BMPER: variants seen among roughly 807,000 people sequenced by gnomAD.
The protein encoded by BMPER is BMP-binding endothelial regulator protein.
In BMPER, 45 loss-of-function variants were observed where a neutral mutation model predicts 87.3. That is an observed-to-expected ratio of 0.52 (90% CI 0.41 to 0.66). The LOEUF is 0.66. Among genes scored for constraint, BMPER ranks in the 30% least tolerant of loss-of-function variants. BMPER has a pLI of 0.00. For missense variants in BMPER, 784 were observed against 867.5 expected (o/e 0.90, Z 1.21); for synonymous variants, 326 against 316.2 (o/e 1.03, Z -0.33).
intron 6 of BMPER, among the ~76,000 whole-genome samples, chr7:34,036,886 G>C (rs192017982): frequency 6.6e-6 from 1 of 152,066 alleles, no homozygotes; most frequent in Non-Finnish European, 1.5e-5. Flanking sequence ...AAGAAAAAAC[G>C]TAAAAGAAAA....
At chr7:33,992,240 G>C (rs2127927205) in intron 6 of BMPER, among the ~76,000 whole-genome samples, 1 of 132,582 alleles carries the variant, frequency 7.5e-6, no homozygotes, top group Non-Finnish European at 1.6e-5. Flanking sequence ...CATTATTAAT[G>C]TGTGGGAGTC....
At chr7:33,924,015 T>G (rs1400560356) in intron 2 of BMPER, among the ~76,000 whole-genome samples, 1 of 152,180 alleles carries the variant, frequency 6.6e-6, no homozygotes, top group Non-Finnish European at 1.5e-5. Flanking sequence ...TCTGTCCACG[T>G]GTCTACCTGG....
chr7:34,010,019 G>A (rs1461750294), intron 6 of BMPER, among the ~76,000 whole-genome samples: 1 of 151,866 alleles, frequency 6.6e-6, no homozygotes, highest in Non-Finnish European at 1.5e-5. Flanking sequence ...TGGTGTCAGT[G>A]GGTTAAACAA....
chr7:33,909,775 T>A (rs561963448), intron 2 of BMPER, among the ~76,000 whole-genome samples: 29 of 151,526 alleles, frequency 1.9e-4, no homozygotes, highest in Non-Finnish European at 3.1e-4. Context: ...TGGCACAAAG[T>A]CCTGTATATA....
rs945486139 is a variant in BMPER at position 33,922,666 on chromosome 7, T to C, written c.220-14623T>C. On this transcript the variant is annotated intron_variant, in intron 2 of 14. Coordinates refer to ENST00000649409, the MANE Select transcript of BMPER (RefSeq NM_001365308.1). Reference sequence around the variant, plus strand: ...TCTCTCCCTTGGACACCCCTCAGTGTGCCACATGGAACTAGGCAAAACTGG... The same window carrying C: ...TCTCTCCCTTGGACACCCCTCAGTGCGCCACATGGAACTAGGCAAAACTGG... Among the ~76,000 whole-genome samples, 3 of 152,122 alleles carry C rather than the reference T, an allele frequency of 2.0e-5. No homozygotes were observed. In the South Asian group the frequency reaches 6.2e-4, roughly 32 times the overall value.
chr7:33,961,563 G>A lies in BMPER; in HGVS notation c.320-4916G>A, dbSNP rs111840865. 2.9e-4 allele frequency among the ~76,000 whole-genome samples: 44 copies of A among 152,328 alleles called. 1 individual carries two copies. In the East Asian group the frequency reaches 4.8e-3, roughly 17 times the overall value. On this transcript the variant is annotated intron_variant, in intron 3 of 14. Transcript: ENST00000649409. ...GAGAAATAACCAGCAGCTTAGCTGAGGCTGGAGTAGAGAGGTTGGAGAGGT... is the reference window on the plus strand; with the variant it reads ...GAGAAATAACCAGCAGCTTAGCTGAAGCTGGAGTAGAGAGGTTGGAGAGGT...
upstream of BMPER, chr7:33,905,426 CA>C (rs371603482): frequency 7.9e-3 from 111 of 14,134 alleles, 3 homozygotes; most frequent in African/African-American, 0.027. Flanking sequence ...GGCGCCCCCA[CA>C]CCTTGGTCTC....
chr7:34,077,564 A>G (rs1027199531), intron 11 of BMPER, among the ~76,000 whole-genome samples: 2 of 152,228 alleles, frequency 1.3e-5, no homozygotes, highest in African/African-American at 2.4e-5. Context: ...TCTATTAAAT[A>G]TTGACAAGGA....
chr7:34,083,378 T>G (rs775484857), intron 12 of BMPER, among the ~76,000 whole-genome samples: 1 of 152,180 alleles, frequency 6.6e-6, no homozygotes, highest in African/African-American at 2.4e-5. Context: ...AAAGAGACTT[T>G]CCTATGGCTC....
At chr7:34,117,155 A>G (rs1790139387) in intron 13 of BMPER, among the ~76,000 whole-genome samples, 1 of 152,194 alleles carries the variant, frequency 6.6e-6, no homozygotes, top group African/African-American at 2.4e-5. Flanking sequence ...TCAGAACCTC[A>G]TCTACCCTTA....
At chr7:33,941,359 C>T (rs1226107601) in intron 3 of BMPER, among the ~76,000 whole-genome samples, 1 of 151,264 alleles carries the variant, frequency 6.6e-6, no homozygotes, top group Admixed American at 6.6e-5. Flanking sequence ...CATCAGGGAC[C>T]AGTTTCATGG....
At chr7:33,974,231 G>T (rs1179242810) in intron 5 of BMPER, among the ~76,000 whole-genome samples, 1 of 152,198 alleles carries the variant, frequency 6.6e-6, no homozygotes, top group Non-Finnish European at 1.5e-5. Flanking sequence ...CATTGGGGAT[G>T]TGGAGTGAGA....
chr7:34,047,283 A>G (rs1039756924), intron 7 of BMPER, among the ~76,000 whole-genome samples: 1 of 150,636 alleles, frequency 6.6e-6, no homozygotes, highest in Non-Finnish European at 1.5e-5. Flanking sequence ...TTGTTTTTTT[A>G]TTTTTTTATT....
chr7:34,028,601 GTTTTTTTTTTTTTTTT>G, intron 6 of BMPER, among the ~76,000 whole-genome samples: 1,774 of 36,248 alleles, frequency 0.049, 44 homozygotes, highest in African/African-American at 0.087. Flanking sequence ...CATTTTTTCT[GTTTTTTTTTTTTTTTT>G]TTTTTTTTTT....
chr7:34,085,648 C>G (rs2127976906), intron 12 of BMPER, 108 bp from the exon 13 acceptor site: 1 of 1,087,190 alleles, frequency 9.2e-7, no homozygotes, highest in African/African-American at 1.6e-5. Flanking sequence ...CTTGGTGCTC[C>G]TTATTGGAGG....
intron 6 of BMPER, among the ~76,000 whole-genome samples, chr7:34,015,433 C>T (rs574939897): frequency 8.0e-4 from 122 of 152,054 alleles, no homozygotes; most frequent in Middle Eastern, 3.4e-3. Context: ...TGAAGTAAAT[C>T]TATGCCTGTG....
intron 13 of BMPER, among the ~76,000 whole-genome samples, chr7:34,136,979 A>G (rs937668100): frequency 3.9e-5 from 6 of 152,234 alleles, no homozygotes; most frequent in Non-Finnish European, 8.8e-5. Flanking sequence ...CCCTTGTGCC[A>G]GAGAAAGCAG....
At position 33,974,713 on chromosome 7, in the gene BMPER, G is replaced by T. The variant is rs200097821; in HGVS notation, c.505G>T (p.Glu169Ter). ...CCPTCPGCVF[E>*]GVQYQEGEEF... The stretch of plus-strand genomic sequence containing the variant: ...TGTCTGCTTTCCAGGCTGTGTGTTT[G>T]AGGGTGTGCAGTATCAAGAAGGGGA... Residue 169 changes from glutamate (E) to a stop codon, truncating the protein, a stop_gained, in exon 6 of 15, where the codon GAG (glutamate) becomes TAG (stop). Transcript: ENST00000649409. LOFTEE classifies it high-confidence loss of function. 6.2e-7 allele frequency: 1 copy of T among 1,613,944 alleles called. No homozygotes were observed. Among genetic ancestry groups the T allele is most frequent in the Non-Finnish European group, 8.5e-7 (1 of 1,179,980 alleles).
chr7:34,047,809 T>TCC (rs1259510785), intron 7 of BMPER, among the ~76,000 whole-genome samples: 87 of 148,590 alleles, frequency 5.9e-4, no homozygotes, highest in African/African-American at 6.0e-4. Context: ...CTTCCTTCCT[T>TCC]TCTTCCTCAC....
Sources: gnomAD v4.1 joint callset for allele counts (sites outside exome capture counted in the v4.1 genomes callset) on GRCh38, gnomAD v4.1.1 for gene constraint, MANE v1.5 for transcripts, NCBI Gene and HGNC (gene_info 2026-07-23, HGNC 2026-07-21) for gene names.